Variants in ADAMTS16 observed in about 807,000 individuals in gnomAD.
ADAMTS16 encodes ADAM metallopeptidase with thrombospondin type 1 motif 16.
In ADAMTS16, 94 loss-of-function variants were observed where a neutral mutation model predicts 145.8. That is an observed-to-expected ratio of 0.64 (90% CI 0.55 to 0.77). The LOEUF (loss-of-function observed/expected upper bound fraction) is 0.77. Among genes scored for constraint, ADAMTS16 ranks in the 30% least tolerant of loss-of-function variants. The pLI is 0.00. For synonymous variants in ADAMTS16, 659 were observed against 604.3 expected, an observed-to-expected ratio of 1.09 and a Z score of -1.33; for missense variants, 1,585 against 1,591.5, an observed-to-expected ratio of 1.00 and a Z score of 0.07.
intron 18 of ADAMTS16, among the ~76,000 whole-genome samples, chr5:5,296,743 T>A (rs1739552069): frequency 6.6e-6 from 1 of 152,164 alleles, no homozygotes; most frequent in Non-Finnish European, 1.5e-5. Flanking sequence ...GTGCTATCGT[T>A]GGACATGAGA....
chr5:5,162,117 A>G (rs1380251408), intron 3 of ADAMTS16, among the ~76,000 whole-genome samples: 1 of 152,218 alleles, frequency 6.6e-6, no homozygotes, highest in Non-Finnish European at 1.5e-5. Flanking sequence ...AGTATGTGCC[A>G]GTGATATAAT....
intron 16 of ADAMTS16, 122 bp downstream of exon 16, chr5:5,240,047 T>C: frequency 6.9e-7 from 1 of 1,447,316 alleles, no homozygotes; most frequent in Non-Finnish European, 9.2e-7. Flanking sequence ...GAGTGATCCA[T>C]CCATAGCCGG....
chr5:5,140,519 T>G lies in ADAMTS16; in HGVS notation c.52T>G (p.Leu18Val). 6.6e-7 allele frequency: 1 copy of G among 1,515,676 alleles called. No individual in the cohort carries two copies. Among genetic ancestry groups the G allele is most frequent in the South Asian group, 1.2e-5 (1 of 81,874 alleles). 93.9% of individuals were successfully genotyped at this position (1,515,676 alleles called of 1,614,324 possible). A position where few individuals can be genotyped will look rare whatever the true frequency, so the allele number is the denominator to read the frequency against. ...GGGCTTGGCGGCGCTGTGGATGCTG[T>G]TGGCGCAGGTGGCCGAGCAGGTGAG... ...WRGLAALWML[L>V]AQVAEQAPAC... The change falls in exon 1 of 23, where the codon TTG (leucine) becomes GTG (valine). Residue 18 changes from leucine to valine, a missense_variant. Leu to Val is a conservative substitution (Grantham distance 32, BLOSUM62 1). Transcript: ENST00000274181.
chr5:5,159,139 C>T (rs2126523820), intron 3 of ADAMTS16, among the ~76,000 whole-genome samples: 1 of 152,312 alleles, frequency 6.6e-6, no homozygotes, highest in East Asian at 1.9e-4. Flanking sequence ...AGAGAACCTA[C>T]AATTGAAGGA....
chr5:5,297,535 A>T (rs1266557749), intron 18 of ADAMTS16, among the ~76,000 whole-genome samples: 6 of 152,152 alleles, frequency 3.9e-5, no homozygotes. Flanking sequence ...TTGAAAAGCG[A>T]GGTCAGTTTC....
chr5:5,186,812 G>A (rs1006146569), intron 5 of ADAMTS16, among the ~76,000 whole-genome samples: 4 of 152,190 alleles, frequency 2.6e-5, no homozygotes, highest in Non-Finnish European at 5.9e-5. Flanking sequence ...TTTCATGTAA[G>A]TGAAATCTAA....
At chr5:5,251,922 C>T (rs1016822678) in intron 17 of ADAMTS16, among the ~76,000 whole-genome samples, 7 of 152,024 alleles carry the variant, frequency 4.6e-5, no homozygotes, top group African/African-American at 9.7e-5. Flanking sequence ...AGTGGCGCGA[C>T]CTCGGCTCAC....
intron 21 of ADAMTS16, among the ~76,000 whole-genome samples, chr5:5,309,290 G>A (rs74666719): frequency 0.022 from 3,386 of 152,242 alleles, 59 homozygotes; most frequent in East Asian, 0.069. Flanking sequence ...TTCTCATGGC[G>A]TCAATGTAGT....
At chr5:5,165,537 AT>A (rs1734852003) in intron 3 of ADAMTS16, among the ~76,000 whole-genome samples, 9 of 152,236 alleles carry the variant, frequency 5.9e-5, no homozygotes, top group Non-Finnish European at 1.2e-4. Context: ...GAGAAGAACT[AT>A]TAATATTGTG....
At position 5,232,362 on chromosome 5, in the gene ADAMTS16, T is replaced by C. The variant is rs771914072; in HGVS notation, c.1702-6T>C. 15 of 1,613,788 alleles carry C rather than the reference T, an allele frequency of 9.3e-6. No homozygotes were observed. The Admixed American group carries it at 2.0e-4, about 22-fold the overall frequency. The stretch of plus-strand genomic sequence containing the variant: ...CAAGTCAACTTATTTATGTTGAAAA[T>C]TTTAGTGGTGCCGGGGAGGACAGTG... On this transcript the variant is annotated splice_region_variant and splice_polypyrimidine_tract_variant and intron_variant, in intron 11 of 22. Transcript: ENST00000274181.
At chr5:5,235,318 C>T (rs1737074011) in intron 13 of ADAMTS16, 132 bp downstream of exon 13, 2 of 967,318 alleles carry the variant, frequency 2.1e-6, no homozygotes, top group Non-Finnish European at 2.7e-6. Flanking sequence ...CGCATATTCT[C>T]TTCTGGAGGT....
At position 5,159,220 on chromosome 5, in the gene ADAMTS16, T is replaced by C. The variant is rs190342263; in HGVS notation, c.501+12765T>C. Among the ~76,000 whole-genome samples the C allele has an allele frequency of 1.0e-3, 155 of 152,338 alleles. 1 individual carries two copies. Among genetic ancestry groups the C allele is most frequent in the African/African-American group, 3.6e-3 (149 of 41,570 alleles). On this transcript the variant is annotated intron_variant, in intron 3 of 22. Coordinates refer to ENST00000274181, the MANE Select transcript of ADAMTS16 (RefSeq NM_139056.4). Reference sequence around the variant, plus strand: ...TCTACATGAGAAGAAAGATATTGACTTAGACAAACATTCAAACGAGAAGCA... The same window carrying C: ...TCTACATGAGAAGAAAGATATTGACCTAGACAAACATTCAAACGAGAAGCA...
At chr5:5,208,803 T>C (rs974305784) in intron 9 of ADAMTS16, among the ~76,000 whole-genome samples, 2 of 152,256 alleles carry the variant, frequency 1.3e-5, no homozygotes, top group African/African-American at 4.8e-5. Context: ...ACACTGGTTG[T>C]AATTATTCAG....
At chr5:5,191,252 A>C (rs983931784) in intron 7 of ADAMTS16, among the ~76,000 whole-genome samples, 1 of 152,226 alleles carries the variant, frequency 6.6e-6, no homozygotes, top group South Asian at 2.1e-4. Context: ...GATGTGAATC[A>C]TTAAAGCTGG....
At chr5:5,305,212 CCACA>C (rs1332599761) in intron 20 of ADAMTS16, among the ~76,000 whole-genome samples, 1 of 52,274 alleles carries the variant, frequency 1.9e-5, no homozygotes, top group African/African-American at 7.1e-5. Flanking sequence ...CACATCCACA[CCACA>C]CACACACATC....
chr5:5,267,546 T>A (rs10065496), intron 18 of ADAMTS16, among the ~76,000 whole-genome samples: 2,601 of 152,236 alleles, frequency 0.017, 76 homozygotes, highest in African/African-American at 0.059. Flanking sequence ...CAAACTCTGG[T>A]TGATGGCCTG....
intron 17 of ADAMTS16, among the ~76,000 whole-genome samples, chr5:5,257,046 AT>A (rs1208729369): frequency 1.3e-5 from 2 of 152,196 alleles, no homozygotes; most frequent in African/African-American, 2.4e-5. Flanking sequence ...TCTGCAGAAC[AT>A]TTTTAAACAA....
intron 3 of ADAMTS16, among the ~76,000 whole-genome samples, chr5:5,158,212 C>T (rs1351768416): frequency 2.0e-5 from 3 of 152,190 alleles, no homozygotes; most frequent in Non-Finnish European, 4.4e-5. Flanking sequence ...TTACCCCTCC[C>T]TCTCAATAGA....
chr5:5,217,356 C>A (rs201747438), intron 10 of ADAMTS16, among the ~76,000 whole-genome samples: 3 of 152,094 alleles, frequency 2.0e-5, no homozygotes, highest in East Asian at 3.8e-4. Context: ...CAAATGGGAT[C>A]TAATTAAACT....
Sources: gnomAD v4.1 joint callset for allele counts (sites outside exome capture counted in the v4.1 genomes callset) on GRCh38, gnomAD v4.1.1 for gene constraint, MANE v1.5 for transcripts, NCBI Gene and HGNC (gene_info 2026-07-23, HGNC 2026-07-21) for gene names.